Variants in MACROD2 observed in about 807,000 individuals in gnomAD.
The protein encoded by MACROD2 is mono-ADP ribosylhydrolase 2.
MACROD2 carries 36 observed loss-of-function variants against 70.4 expected under a neutral mutation model. The observed-to-expected ratio is 0.51, with a 90% CI of 0.39 to 0.68. The LOEUF (loss-of-function observed/expected upper bound fraction) is 0.68. Among genes scored for constraint, MACROD2 ranks in the 30% least tolerant of loss-of-function variants. The pLI, the probability that MACROD2 is intolerant of heterozygous loss-of-function variation, is 0.00. For missense variants in MACROD2, 496 were observed against 538.4 expected, an observed-to-expected ratio of 0.92 and a Z score of 0.78; for synonymous variants, 172 against 178.8, an observed-to-expected ratio of 0.96 and a Z score of 0.30.
intron 5 of MACROD2, chr20:14,893,649 A>G (rs2073791474): frequency 6.6e-6 from 1 of 152,140 alleles, no homozygotes; most frequent in South Asian, 2.1e-4. Context: ...TATTTTTAAT[A>G]CTTGGTTACT....
chr20:14,808,687 C>A (rs192523989), intron 5 of MACROD2, among the ~76,000 whole-genome samples: 2,004 of 151,478 alleles, frequency 0.013, 44 homozygotes, highest in African/African-American at 0.046. Context: ...ATTCAGGAGA[C>A]CCATCTCATG....
intron 8 of MACROD2, among the ~76,000 whole-genome samples, chr20:15,761,679 T>C (rs1240269669): frequency 1.3e-5 from 2 of 152,178 alleles, no homozygotes; most frequent in African/African-American, 4.8e-5. Flanking sequence ...GTGACTCAGA[T>C]TTTACAGAAG....
chr20:14,782,618 T>G (rs916407876), intron 5 of MACROD2, among the ~76,000 whole-genome samples: 3 of 152,036 alleles, frequency 2.0e-5, no homozygotes, highest in African/African-American at 4.8e-5. Flanking sequence ...GGCCAGCCCC[T>G]TCACCTCAAT....
intron 2 of MACROD2, among the ~76,000 whole-genome samples, chr20:14,034,634 T>C (rs1165032173): frequency 6.6e-6 from 1 of 152,224 alleles, no homozygotes; most frequent in African/African-American, 2.4e-5. Flanking sequence ...ATGAATGTTT[T>C]GCTATTTTTA....
chr20:14,114,469 A>G (rs985584434), intron 3 of MACROD2, among the ~76,000 whole-genome samples: 7 of 152,176 alleles, frequency 4.6e-5, no homozygotes, highest in African/African-American at 1.4e-4. Flanking sequence ...TGATTGTCCA[A>G]AGCCTATAGA....
chr20:16,012,995 C>T (rs2066883386), intron 15 of MACROD2, among the ~76,000 whole-genome samples: 1 of 152,200 alleles, frequency 6.6e-6, no homozygotes, highest in Non-Finnish European at 1.5e-5. Flanking sequence ...TCCTGGCCAA[C>T]ATGGTGAAAC....
At chr20:14,597,849 G>A (rs1366383316) in intron 4 of MACROD2, among the ~76,000 whole-genome samples, 2 of 152,016 alleles carry the variant, frequency 1.3e-5, no homozygotes, top group African/African-American at 4.8e-5. Flanking sequence ...ATATTGACAT[G>A]AACATAGATT....
At chr20:14,954,677 A>C (rs1295549664) in intron 5 of MACROD2, among the ~76,000 whole-genome samples, 27 of 88,170 alleles carry the variant, frequency 3.1e-4, no homozygotes, top group Non-Finnish European at 5.5e-4. Flanking sequence ...CATATAATAT[A>C]TTTATATTTA....
chr20:15,773,618 G>A (rs1465394323), intron 8 of MACROD2, among the ~76,000 whole-genome samples: 1 of 152,094 alleles, frequency 6.6e-6, no homozygotes, highest in East Asian at 1.9e-4. Context: ...GACACTTAAT[G>A]GAACCGTGCA....
At chr20:15,505,871 A>C (rs991137627) in intron 8 of MACROD2, among the ~76,000 whole-genome samples, 4 of 152,130 alleles carry the variant, frequency 2.6e-5, no homozygotes, top group African/African-American at 9.7e-5. Context: ...TGCCCGACAT[A>C]ATTTTTTTTA....
chr20:15,654,415 G>C (rs369359257), intron 8 of MACROD2, among the ~76,000 whole-genome samples: 1 of 152,180 alleles, frequency 6.6e-6, no homozygotes, highest in African/African-American at 2.4e-5. Flanking sequence ...CAGAGGAGAT[G>C]GGAGTTCAGA....
At chr20:15,605,567 T>C (rs950645886) in intron 8 of MACROD2, among the ~76,000 whole-genome samples, 11 of 150,974 alleles carry the variant, frequency 7.3e-5, no homozygotes, top group African/African-American at 2.4e-4. Context: ...CCAAATAGAA[T>C]AAACAAAATG....
intron 3 of MACROD2, among the ~76,000 whole-genome samples, chr20:14,285,819 T>A (rs1249392528): frequency 6.6e-6 from 1 of 152,108 alleles, no homozygotes; most frequent in Non-Finnish European, 1.5e-5. Context: ...CTCCCACAAC[T>A]ACCAGTGATA....
intron 4 of MACROD2, among the ~76,000 whole-genome samples, chr20:14,545,800 G>A (rs1184264469): frequency 1.3e-5 from 2 of 152,098 alleles, no homozygotes; most frequent in Non-Finnish European, 2.9e-5. Flanking sequence ...TTATCTCTGG[G>A]AAGCAGTGAA....
intron 4 of MACROD2, among the ~76,000 whole-genome samples, chr20:14,497,709 CTT>C (rs2084869809): frequency 6.6e-6 from 1 of 151,670 alleles, no homozygotes; most frequent in Non-Finnish European, 1.5e-5. Context: ...AACTTACTGT[CTT>C]TTGTACACAT....
chr20:15,336,374 C>G (rs1203348331), intron 6 of MACROD2, among the ~76,000 whole-genome samples: 1 of 104,794 alleles, frequency 9.5e-6, no homozygotes, highest in African/African-American at 3.7e-5. Context: ...GTGTTTTAAC[C>G]AAAAAAAAAA....
At position 14,788,763 on chromosome 20, in the gene MACROD2, G is replaced by GTTTTT. The variant is rs1195877119; in HGVS notation, c.418+103823_418+103827dup. ...AAAAATTCCTCAAACTAGTGGTGGT[G>GTTTTT]TTTTTTTTTTTTTTTTTTTTTTTGA... On this transcript the variant is annotated intron_variant, in intron 5 of 17. Transcript: ENST00000684519. 7.5e-4 allele frequency among the ~76,000 whole-genome samples: 60 copies of GTTTTT among 79,480 alleles called. 2 individuals are homozygous for GTTTTT. Among genetic ancestry groups the GTTTTT allele is most frequent in the African/African-American group, 9.7e-4 (19 of 19,494 alleles). 52.1% of individuals were successfully genotyped at this position (79,480 alleles called of 152,430 possible). A position where few individuals can be genotyped will look rare whatever the true frequency, so the allele number is the denominator to read the frequency against.
intron 4 of MACROD2, among the ~76,000 whole-genome samples, chr20:14,499,227 G>A (rs1318169187): frequency 1.3e-5 from 2 of 152,150 alleles, no homozygotes; most frequent in African/African-American, 4.8e-5. Context: ...ACAGAAAATA[G>A]GGTTTAAATC....
chr20:15,963,102 G>A (rs1239211553), intron 12 of MACROD2, among the ~76,000 whole-genome samples: 1 of 152,180 alleles, frequency 6.6e-6, no homozygotes, highest in Non-Finnish European at 1.5e-5. Flanking sequence ...ATTCTATAGA[G>A]CAGGCCAGGA....
Sources: allele counts gnomAD v4.1 joint callset (sites outside exome capture counted in the v4.1 genomes callset), GRCh38; gene constraint gnomAD v4.1.1; transcripts MANE v1.5; gene names NCBI Gene and HGNC (gene_info 2026-07-23, HGNC 2026-07-21).